Variants in TYK2 observed in about 807,000 individuals in gnomAD.
TYK2 encodes tyrosine kinase 2, also known as non-receptor tyrosine-protein kinase TYK2.
TYK2 carries 65 observed loss-of-function variants against 130.9 expected under a neutral mutation model. That is an observed-to-expected ratio of 0.50 (90% CI 0.41 to 0.61). The LOEUF (loss-of-function observed/expected upper bound fraction) is 0.61, where lower values mean the gene tolerates loss of function less well. Among genes scored for constraint, TYK2 ranks in the 20% least tolerant of loss-of-function variants. The pLI, the probability that TYK2 is intolerant of heterozygous loss-of-function variation, is 0.00. For missense variants in TYK2, 1,378 were observed against 1,610.7 expected, an observed-to-expected ratio of 0.86 and a Z score of 2.47; for synonymous variants, 647 against 658.9, an observed-to-expected ratio of 0.98 and a Z score of 0.28.
intron 7 of TYK2, 101 bp from the exon 8 acceptor site, chr19:10,365,149 A>C: frequency 7.4e-7 from 1 of 1,359,950 alleles, no homozygotes; most frequent in Non-Finnish European, 9.8e-7. Flanking sequence ...AGGGCCAGGC[A>C]CCAACCTAGG....
At position 10,361,673 on chromosome 19, in the gene TYK2, C is replaced by T; in HGVS notation, c.1960-75G>A. ...CCACCTCCTCCACGGACACACCCCT[C>T]CCATCCCACCTCCTCCACAGACACA... On this transcript the variant is annotated intron_variant, in intron 13 of 24. Transcript: ENST00000525621. This position sits in a 1 kb window ranked among gnomAD's most constrained non-coding sequence, Gnocchi z 4.0. 1 of 1,558,296 alleles carries T rather than the reference C, an allele frequency of 6.4e-7. No individual in the cohort carries two copies. The highest frequency in any genetic ancestry group is 8.7e-7 in the Non-Finnish European group (1 of 1,144,104).
chr19:10,366,979 G>C (rs1568339350), intron 5 of TYK2, among the ~76,000 whole-genome samples: 1 of 151,764 alleles, frequency 6.6e-6, no homozygotes. Context: ...GGGAGGCAGA[G>C]GTTGCAGTGA....
Position 10,353,427 on chromosome 19 carries a change from G to A in TYK2, c.3027+101C>T. 1 of 845,028 alleles carries A rather than the reference G, an allele frequency of 1.2e-6. No individual in the cohort carries two copies. 52.3% of individuals were successfully genotyped at this position (845,028 alleles called of 1,614,324 possible). The stretch of plus-strand genomic sequence containing the variant: ...AGGACAAGACAGCCTGGGCAAACGA[G>A]CAGGGGCGGAGCGTGAGAGCAGACT... On this transcript the variant is annotated intron_variant, in intron 21 of 24. Coordinates refer to ENST00000525621, the MANE Select transcript of TYK2 (RefSeq NM_003331.5). This position sits in a 1 kb window ranked among gnomAD's most constrained non-coding sequence, Gnocchi z 6.9.
rs1291092209 is a variant in TYK2 at position 10,351,092 on chromosome 19, C to T, written c.3389G>A (p.Arg1130Gln). 5.0e-6 allele frequency: 8 copies of T among 1,614,038 alleles called. No individual in the cohort carries two copies. Among genetic ancestry groups the T allele is most frequent in the African/African-American group, 1.3e-5 (1 of 74,930 alleles). Residue 1130 changes from arginine (R) to glutamine (Q), a missense_variant, in exon 24 of 25, where the codon CGA becomes CAA. Coordinates refer to ENST00000525621, the MANE Select transcript of TYK2 (RefSeq NM_003331.5). ...TVLRLTELLE[R>Q]GERLPRPDKC... ...GTCGGGCCGTGGCAGCCTCTCCCCT[C>T]GTTCCAGCAACTCAGTGAGTCTCAG...
rs1308163455 is a variant in TYK2 at position 10,365,709 on chromosome 19, C to T, written c.819G>A (p.Glu273=). ...GCCTCAGGTGGCACACGGGCACACG[C>T]TCTGTGCCGAAGCGGGGTGCCAGCC... is the stretch of plus-strand genomic sequence containing the variant. The part of the protein sequence containing the change: ...LERLAPRFGT[E]RVPVCHLRLL... Residue 273 remains glutamate, a synonymous_variant, in exon 7 of 25, where the codon GAG becomes GAA. Coordinates refer to ENST00000525621, the MANE Select transcript of TYK2 (RefSeq NM_003331.5). 6.2e-7 allele frequency: 1 copy of T among 1,613,022 alleles called. No homozygotes were observed. The highest frequency in any genetic ancestry group is 8.5e-7 in the Non-Finnish European group (1 of 1,179,854).
intron 3 of TYK2, among the ~76,000 whole-genome samples, chr19:10,372,484 A>ATATATATATATATATATTTT (rs1390400916): frequency 5.3e-5 from 2 of 37,424 alleles, no homozygotes; most frequent in Non-Finnish European, 9.0e-5. Context: ...ATATATATAT[A>ATATATATATATATATATTTT]TTTTTTTTTT....
intron 3 of TYK2, among the ~76,000 whole-genome samples, chr19:10,377,573 T>G (rs1599368342): frequency 4.5e-5 from 4 of 88,456 alleles, no homozygotes; most frequent in Non-Finnish European, 6.6e-5. Context: ...GATGGGTGGG[T>G]GGGTGGATGG....
intron 7 of TYK2, 68 bp downstream of exon 7, chr19:10,365,449 A>G: frequency 6.2e-7 from 1 of 1,604,530 alleles, no homozygotes; most frequent in Admixed American, 1.7e-5. Flanking sequence ...GGCTAGGGTC[A>G]AGGATGAACA....
chr19:10,369,689 T>C, intron 3 of TYK2: 1 of 452,960 alleles, frequency 2.2e-6, no homozygotes. Flanking sequence ...GTCTCCAGAC[T>C]TGCTGTAATT....
In TYK2 at chr19:10,361,621, G is replaced by A; in HGVS notation, c.1960-23C>T. 6.4e-7 allele frequency: 1 copy of A among 1,550,568 alleles called. No individual in the cohort carries two copies. The highest frequency in any genetic ancestry group is 8.7e-7 in the Non-Finnish European group (1 of 1,149,720). On this transcript the variant is annotated intron_variant, in intron 13 of 24. Coordinates refer to ENST00000525621, the MANE Select transcript of TYK2 (RefSeq NM_003331.5). This position sits in a 1 kb window ranked among gnomAD's most constrained non-coding sequence, Gnocchi z 4.0. The stretch of plus-strand genomic sequence containing the variant: ...GGCCTGTGGGGACCGGGCAGGTCAG[G>A]TGGCTGCAAAGCCGACCCCTCCCAT...
intron 12 of TYK2, 26 bp downstream of exon 12, chr19:10,362,052 G>A (rs2041431670): frequency 1.2e-6 from 2 of 1,613,402 alleles, no homozygotes; most frequent in Non-Finnish European, 1.7e-6. Flanking sequence ...CCCTGCCCTT[G>A]CCCCGGGCCC....
chr19:10,369,594 G>C (rs536802885), intron 3 of TYK2, among the ~76,000 whole-genome samples: 1 of 152,076 alleles, frequency 6.6e-6, no homozygotes, highest in East Asian at 1.9e-4. Context: ...AAAACAGATC[G>C]GTCACCAAGA....
chr19:10,378,858 TTATCTTATC>T (rs2042268192), intron 2 of TYK2, among the ~76,000 whole-genome samples: 1 of 151,496 alleles, frequency 6.6e-6, no homozygotes, highest in African/African-American at 2.4e-5. Context: ...TTATCTTATC[TTATCTTATC>T]TTATCTTATC....
Position 10,353,243 on chromosome 19 carries a change from G to T in TYK2, c.3028-145C>A. 2 of 665,316 alleles carry T rather than the reference G, an allele frequency of 3.0e-6. No homozygotes were observed. Among genetic ancestry groups the T allele is most frequent in the Non-Finnish European group, 2.4e-6 (1 of 423,754 alleles). The allele number at this position is 665,316 out of a possible 1,614,324, so 41.2% of individuals were successfully genotyped here. ...CGCTGGAGAGGGCCGGATGGCACGT[G>T]GCACCAAGCAAAAGGAGGCTGAGCC... On this transcript the variant is annotated intron_variant, in intron 21 of 24. Coordinates refer to ENST00000525621, the MANE Select transcript of TYK2 (RefSeq NM_003331.5). This position sits in a 1 kb window ranked among gnomAD's most constrained non-coding sequence, Gnocchi z 6.9.
intron 3 of TYK2, among the ~76,000 whole-genome samples, chr19:10,377,846 ATGGATGGGTGGGTGGG>A (rs2042216113): frequency 2.5e-5 from 1 of 40,096 alleles, no homozygotes; most frequent in Non-Finnish European, 4.4e-5. Context: ...GCGTGGGTGG[ATGGATGGGTGGGTGGG>A]TGGGTGGATG....
In TYK2 at chr19:10,353,965, TG is replaced by T; in HGVS notation, c.2908+76del. Reference sequence around the variant, plus strand: ...GAGTCTCTAATTGGCTAGGCCAGACTGGCCCCGCCCACAAGGCCACACCCAC... The same window carrying T: ...GAGTCTCTAATTGGCTAGGCCAGACTGCCCCGCCCACAAGGCCACACCCAC... On this transcript the variant is annotated intron_variant, in intron 20 of 24. Coordinates refer to ENST00000525621, the MANE Select transcript of TYK2 (RefSeq NM_003331.5). The surrounding 1 kb of genome is among the most constrained non-coding windows in gnomAD (Gnocchi z 6.9). 2 of 1,479,688 alleles carry T rather than the reference TG, an allele frequency of 1.4e-6. No individual in the cohort carries two copies. The highest frequency in any genetic ancestry group is 9.4e-7 in the Non-Finnish European group (1 of 1,065,962). 91.7% of individuals were successfully genotyped at this position (1,479,688 alleles called of 1,614,324 possible). A position where few individuals can be genotyped will look rare whatever the true frequency, so the allele number is the denominator to read the frequency against.
intron 14 of TYK2, among the ~76,000 whole-genome samples, chr19:10,360,137 A>G (rs1472426834): frequency 6.6e-6 from 1 of 151,794 alleles, no homozygotes; most frequent in Non-Finnish European, 1.5e-5. Context: ...AGCCGAGATC[A>G]CGCCACTGTA....
intron 6 of TYK2, 22 bp from the exon 7 acceptor site, chr19:10,365,920 G>A: frequency 6.3e-7 from 1 of 1,587,686 alleles, no homozygotes; most frequent in Non-Finnish European, 8.6e-7. Flanking sequence ...CACAGTGAGG[G>A]GCTGGTCAGG....
chr19:10,353,839 T>C lies in TYK2; in HGVS notation c.2909-193A>G. 2.9e-6 allele frequency: 2 copies of C among 697,770 alleles called. No homozygotes were observed. The highest frequency in any genetic ancestry group is 2.6e-5 in the Admixed American group (1 of 37,986). 43.2% of individuals were successfully genotyped at this position (697,770 alleles called of 1,614,324 possible). A position where few individuals can be genotyped will look rare whatever the true frequency, so the allele number is the denominator to read the frequency against. On this transcript the variant is annotated intron_variant, in intron 20 of 24. Coordinates refer to ENST00000525621, the MANE Select transcript of TYK2 (RefSeq NM_003331.5). The surrounding 1 kb of genome is among the most constrained non-coding windows in gnomAD (Gnocchi z 6.9). ...TTGAGGGAGCTGCTGGTGGCTCCCG[T>C]CCATCCTGGCCCCAGCAGGTAGCAC...
Sources: allele counts gnomAD v4.1 joint callset (sites outside exome capture counted in the v4.1 genomes callset), GRCh38; gene constraint gnomAD v4.1.1; non-coding constraint Gnocchi (gnomAD v3.1); transcripts MANE v1.5; gene names NCBI Gene and HGNC (gene_info 2026-07-23, HGNC 2026-07-21).